The following GIGYF1 variants were observed in gnomAD, a reference collection of about 807,000 sequenced individuals.
GIGYF1 encodes the protein GRB10 interacting GYF protein 1.
Under a neutral mutation model 147.1 loss-of-function variants are expected in GIGYF1, and 84 were observed. That is an observed-to-expected ratio of 0.57 (90% CI 0.48 to 0.68). The LOEUF (loss-of-function observed/expected upper bound fraction) is 0.68. GIGYF1 is among the 30% of genes least tolerant of loss of function. The pLI is 0.00. For missense variants in GIGYF1, 1,485 were observed against 1,393.7 expected (o/e 1.07, Z -1.04); for synonymous variants, 752 against 589.5 (o/e 1.28, Z -3.99).
chr7:100,686,984 G>A (rs200382086), intron 9 of GIGYF1, 22 bp downstream of exon 9: 96 of 1,613,420 alleles, frequency 6.0e-5, no homozygotes, highest in Admixed American at 5.2e-4. Flanking sequence ...CGCCCCGGCC[G>A]CCGCCCTCAG....
rs367791439 is a variant in GIGYF1, at chr7:100,689,420, A to C, written c.-963T>G. On this transcript the variant is annotated 5_prime_UTR_variant, in exon 2 of 27. Coordinates refer to ENST00000678049, the MANE Select transcript of GIGYF1 (RefSeq NM_001375765.1). The stretch of plus-strand genomic sequence containing the variant: ...GAGGATGGAGGGGACTTTCAGGAGG[A>C]GGCGCATCCCTGGGGCCCCAGGCAG... 18 of 152,278 alleles carry C rather than the reference A, an allele frequency of 1.2e-4. No individual in the cohort carries two copies. The highest frequency in any genetic ancestry group is 2.5e-4 in the Non-Finnish European group (17 of 68,204). The allele number at this position is 152,278 out of a possible 1,614,324, so 9.4% of individuals were successfully genotyped here.
chr7:100,685,394 G>T lies in GIGYF1; in HGVS notation c.1142C>A (p.Thr381Lys), dbSNP rs1330927973. Residue 381 changes from threonine to lysine, a missense_variant, in exon 13 of 27, where the codon ACA becomes AAA. By Grantham distance (78) the Thr-to-Lys change is moderately conservative. Transcript: ENST00000678049. ...TGCAGTTTCGTCCCCATCCCCGTTT[G>T]TCCCCCAGAGTGGGCCCAGGGTGGG... Reference protein sequence around the residue: ...PLPTLGPLWGTNGDGDETAEK... With the variant: ...PLPTLGPLWGKNGDGDETAEK... 6.3e-7 allele frequency: 1 copy of T among 1,591,388 alleles called. No homozygotes were observed. The highest frequency in any genetic ancestry group is 1.4e-5 in the African/African-American group (1 of 73,106).
In GIGYF1 at chr7:100,684,782, G is replaced by A. The variant is rs1398161222; in HGVS notation, c.1403C>T (p.Pro468Leu). Residue 468 changes from proline (P) to leucine (L), a missense_variant, in exon 15 of 27, where the codon CCG becomes CTG. Pro to Leu is a moderately conservative substitution (Grantham distance 98). Transcript: ENST00000678049. ...CTTCCGGGCAGCCCCATGGCTGAGC[G>A]GGAGGGCAGTGGCGGCTGCAGAGTG... is the stretch of plus-strand genomic sequence containing the variant. Reference protein sequence around the residue: ...LRHSAAATALPLSHGAARKWF... With the variant: ...LRHSAAATALLLSHGAARKWF... 1.6e-5 allele frequency: 25 copies of A among 1,612,226 alleles called. No homozygotes were observed. Among genetic ancestry groups the A allele is most frequent in the Admixed American group, 3.3e-5 (2 of 59,872 alleles).
At position 100,688,189 on chromosome 7, in the gene GIGYF1, G is replaced by A. The variant is rs116789774; in HGVS notation, c.35+15C>T. The stretch of plus-strand genomic sequence containing the variant: ...TTCTCGAATCTCCACGGCAGCCGAG[G>A]CACAAGTGACTCACCACTCAGGCCC... On this transcript the variant is annotated intron_variant, in intron 4 of 26. Coordinates refer to ENST00000678049, the MANE Select transcript of GIGYF1 (RefSeq NM_001375765.1). 2.9e-3 allele frequency: 4,638 copies of A among 1,604,364 alleles called. 115 individuals carry two copies. The African/African-American group carries it at 0.056, about 19-fold the overall frequency.
chr7:100,692,471 A>G (rs1562889065), intron 1 of GIGYF1, among the ~76,000 whole-genome samples: 1 of 152,218 alleles, frequency 6.6e-6, no homozygotes, highest in East Asian at 1.9e-4. Context: ...TAACCATCCC[A>G]AACTCGCAAG....
rs765333683 is a variant in GIGYF1 at position 100,686,185 on chromosome 7, G to C, written c.943C>G (p.Leu315Val). 1.2e-6 allele frequency: 2 copies of C among 1,608,202 alleles called. No individual in the cohort carries two copies. Among genetic ancestry groups the C allele is most frequent in the Admixed American group, 3.4e-5 (2 of 59,374 alleles). The change falls in exon 11 of 27, where the codon CTC (leucine) becomes GTC (valine). Residue 315 changes from leucine to valine, a missense_variant. By Grantham distance (32) the Leu-to-Val change is conservative (BLOSUM62 1). Transcript: ENST00000678049. ...CCTCGCCTCCTCACAGATACCTTGA[G>C]AGGCAAGAAGGCCCCAGAGGCATCA... is the stretch of plus-strand genomic sequence containing the variant. ...TFDASGAFLP[L>V]KKGPKEPIPE...
At chr7:100,691,438 C>T (rs984999558) in intron 1 of GIGYF1, among the ~76,000 whole-genome samples, 1 of 152,106 alleles carries the variant, frequency 6.6e-6, no homozygotes, top group Non-Finnish European at 1.5e-5. Context: ...GACATCATTC[C>T]CTAATTACAC....
Position 100,683,634 on chromosome 7 carries a change from T to TGCAGGGG in GIGYF1, c.1970-9_1970-3dup. ...TGTCCCAAAGACTGGCCTCACCACCTGCAGGGGGCAGGGGGGCAGAGGCGG... is the reference window on the plus strand; with the variant it reads ...TGTCCCAAAGACTGGCCTCACCACCTGCAGGGGGCAGGGGGCAGGGGGGCAGAGGCGG... On this transcript the variant is annotated splice_region_variant and splice_polypyrimidine_tract_variant and intron_variant, in intron 19 of 26. Transcript: ENST00000678049. The TGCAGGGG allele has an allele frequency of 6.2e-7, 1 of 1,613,902 alleles. No homozygotes were observed. Among genetic ancestry groups the TGCAGGGG allele is most frequent in the Non-Finnish European group, 8.5e-7 (1 of 1,179,782 alleles).
At chr7:100,683,777 C>A (rs201721548) in intron 19 of GIGYF1, 41 bp downstream of exon 19, 3 of 1,576,936 alleles carry the variant, frequency 1.9e-6, no homozygotes, top group Non-Finnish European at 2.6e-6. Context: ...CCATTTCACC[C>A]GGAGACTGCC....
chr7:100,684,093 G>T lies in GIGYF1; in HGVS notation c.1795C>A (p.Pro599Thr). 1 of 1,607,144 alleles carries T rather than the reference G, an allele frequency of 6.2e-7. No homozygotes were observed. The change falls in exon 18 of 27, where the codon CCG becomes ACG. Residue 599 changes from proline (P) to threonine (T), a missense_variant. By Grantham distance (38) the Pro-to-Thr change is conservative. Transcript: ENST00000678049. ...AALGDLTPPP[P>T]PPPQQQQQQL... Reference sequence around the variant, plus strand: ...TGCTGCTGCTGCTGTGGCGGCGGCGGTGGTGGCGGTGTCAGGTCCCCCAGA... The same window carrying T: ...TGCTGCTGCTGCTGTGGCGGCGGCGTTGGTGGCGGTGTCAGGTCCCCCAGA...
chr7:100,689,459 G>C lies in GIGYF1; in HGVS notation c.-1002C>G, dbSNP rs1375025238. On this transcript the variant is annotated 5_prime_UTR_variant, in exon 2 of 27. Coordinates refer to ENST00000678049, the MANE Select transcript of GIGYF1 (RefSeq NM_001375765.1). ...GGCCCCAGGCAGAGGACTCAAGCGG[G>C]TGGGCGGGGTCCAGGTGCTGCGGTG... 1 of 152,494 alleles carries C rather than the reference G, an allele frequency of 6.6e-6. No homozygotes were observed. The highest frequency in any genetic ancestry group is 1.5e-5 in the Non-Finnish European group (1 of 68,282). The allele number at this position is 152,494 out of a possible 1,614,324, so 9.4% of individuals were successfully genotyped here.
Position 100,681,635 on chromosome 7 carries a change from CGG to C in GIGYF1, c.*82_*83del. 3.0e-6 allele frequency: 4 copies of C among 1,332,386 alleles called. No homozygotes were observed. Among genetic ancestry groups the C allele is most frequent in the Non-Finnish European group, 3.1e-6 (3 of 982,722 alleles). 82.5% of individuals were successfully genotyped at this position (1,332,386 alleles called of 1,614,324 possible). A position where few individuals can be genotyped will look rare whatever the true frequency, so the allele number is the denominator to read the frequency against. ...CCCCTGCCTCTTCCTGTGCTCTCTG[CGG>C]GGAGCCTGCAGGCTGGGACCCTCGG... On this transcript the variant is annotated 3_prime_UTR_variant, in exon 27 of 27. Coordinates refer to ENST00000678049, the MANE Select transcript of GIGYF1 (RefSeq NM_001375765.1).
Position 100,687,970 on chromosome 7 carries a change from C to T in GIGYF1, c.165+11G>A, listed in dbSNP as rs377489692. 30 of 1,610,218 alleles carry T rather than the reference C, an allele frequency of 1.9e-5. No homozygotes were observed. Among genetic ancestry groups the T allele is most frequent in the Non-Finnish European group, 2.4e-5 (28 of 1,177,184 alleles). On this transcript the variant is annotated intron_variant, in intron 5 of 26. Transcript: ENST00000678049. The stretch of plus-strand genomic sequence containing the variant: ...GCCACCACCGCCAACCCCCCTCGCC[C>T]ACGCACCCACCTTGTTCTCCTTGAC...
At chr7:100,685,276 C>A (rs965977023) in intron 13 of GIGYF1, 68 bp downstream of exon 13, 6 of 1,539,024 alleles carry the variant, frequency 3.9e-6, no homozygotes, top group African/African-American at 1.4e-5. Flanking sequence ...TGCCCACCCC[C>A]ACGAGTGGGG....
At position 100,681,737 on chromosome 7, in the gene GIGYF1, C is replaced by T. The variant is rs750431732; in HGVS notation, c.3090G>A (p.Glu1030=). 4.4e-6 allele frequency: 7 copies of T among 1,577,870 alleles called. No homozygotes were observed. Among genetic ancestry groups the T allele is most frequent in the Non-Finnish European group, 5.2e-6 (6 of 1,161,386 alleles). ...YSLHGSSGEI[E]SVDDY Reference sequence around the variant, plus strand: ...GGGCTGGTCAGTAGTCATCCACGCTCTCGATCTCACCAGAAGATCCGTGCA... The same window carrying T: ...GGGCTGGTCAGTAGTCATCCACGCTTTCGATCTCACCAGAAGATCCGTGCA... Residue 1030 remains glutamate, a synonymous_variant, in exon 27 of 27, where the codon GAG becomes GAA. Transcript: ENST00000678049.
intron 9 of GIGYF1, 67 bp downstream of exon 9, chr7:100,686,939 C>T: frequency 1.2e-6 from 2 of 1,607,016 alleles, no homozygotes; most frequent in Non-Finnish European, 1.7e-6. Context: ...AAATAAGCAC[C>T]CCCAGACTGG....
At chr7:100,692,354 T>C (rs537136432) in intron 1 of GIGYF1, among the ~76,000 whole-genome samples, 1 of 152,248 alleles carries the variant, frequency 6.6e-6, no homozygotes, top group Admixed American at 6.5e-5. Flanking sequence ...TTTTGCCCAC[T>C]TGCCCAGCCT....
chr7:100,692,321 C>G (rs1300246897), intron 1 of GIGYF1, among the ~76,000 whole-genome samples: 1 of 152,252 alleles, frequency 6.6e-6, no homozygotes, highest in East Asian at 1.9e-4. Flanking sequence ...AAAGGATTTT[C>G]ACTCTTTACC....
chr7:100,683,303 C>A lies in GIGYF1; in HGVS notation c.2193+1G>T. The A allele has an allele frequency of 6.2e-7, 1 of 1,613,764 alleles. No individual in the cohort carries two copies. Among genetic ancestry groups the A allele is most frequent in the Non-Finnish European group, 8.5e-7 (1 of 1,179,960 alleles). On this transcript the variant is annotated splice_donor_variant, in intron 21 of 26. Transcript: ENST00000678049. LOFTEE classifies it high-confidence loss of function. ...GCCAGCTGAGGCTTGGGAGCACCCA[C>A]GTGCTTGCGCCGAAACAGCTCTTCC...
Sources: allele counts gnomAD v4.1 joint callset (sites outside exome capture counted in the v4.1 genomes callset), GRCh38; gene constraint gnomAD v4.1.1; transcripts MANE v1.5; gene names NCBI Gene and HGNC (gene_info 2026-07-23, HGNC 2026-07-21).